The following THBS4 variants were observed in gnomAD, a reference collection of about 807,000 sequenced individuals.
THBS4 encodes the protein thrombospondin 4.
THBS4 carries 90 observed loss-of-function variants against 115.7 expected under a neutral mutation model. The ratio of observed to expected loss-of-function variants is 0.78; its 90% confidence interval spans 0.66 to 0.93. The LOEUF is 0.93. Ranked by LOEUF, THBS4 falls within the 40% of genes least tolerant of loss-of-function variation. The pLI is 0.00. For missense variants in THBS4, 1,087 were observed against 1,232.7 expected, an observed-to-expected ratio of 0.88 and a Z score of 1.77; for synonymous variants, 460 against 479.3, an observed-to-expected ratio of 0.96 and a Z score of 0.53.
chr5:80,062,839 C>T (rs575455984), intron 8 of THBS4, among the ~76,000 whole-genome samples: 2 of 152,324 alleles, frequency 1.3e-5, no homozygotes, highest in East Asian at 3.9e-4. Context: ...CTAGCTTCAT[C>T]CATGTCCCTA....
chr5:80,063,103 TC>T (rs1833696868), intron 8 of THBS4, among the ~76,000 whole-genome samples: 2 of 152,234 alleles, frequency 1.3e-5, no homozygotes, highest in Non-Finnish European at 2.9e-5. Flanking sequence ...CCTTGAGGAA[TC>T]GCCACACTGT....
In THBS4 at chr5:80,059,912, G is replaced by C. The variant is rs368458691; in HGVS notation, c.987+7G>C. The C allele has an allele frequency of 1.9e-6, 3 of 1,612,890 alleles. No individual in the cohort carries two copies. The Admixed American group carries it at 5.0e-5, about 27-fold the overall frequency. On this transcript the variant is annotated splice_region_variant and intron_variant, in intron 7 of 21. Coordinates refer to ENST00000350881, the MANE Select transcript of THBS4 (RefSeq NM_003248.6). ...CTGTATTGATGTTGATGAGGTAAAA[G>C]TTCACTTAGACTGGGAGGGGATCCC...
intron 8 of THBS4, among the ~76,000 whole-genome samples, chr5:80,063,616 T>C (rs543238176): frequency 6.3e-4 from 96 of 152,302 alleles, no homozygotes; most frequent in African/African-American, 2.2e-3. Context: ...TTGGAGGGCA[T>C]GATTTTTTAG....
intron 21 of THBS4, 103 bp from the exon 22 acceptor site, chr5:80,082,969 TCCTGGGCG>T (rs1743598181): frequency 6.3e-6 from 4 of 635,802 alleles, no homozygotes; most frequent in Admixed American, 4.0e-5. Context: ...CTGCGGGGCG[TCCTGGGCG>T]GGCTAACAGC....
At chr5:80,068,190 G>C (rs1287771686) in intron 10 of THBS4, 65 bp downstream of exon 10, 1 of 1,579,372 alleles carries the variant, frequency 6.3e-7, no homozygotes, top group Non-Finnish European at 8.7e-7. Flanking sequence ...CCTCTCTCCA[G>C]TTTCTATGTG....
At chr5:80,033,704 C>T (rs1832631110), upstream of THBS4, among the ~76,000 whole-genome samples, 2 of 152,228 alleles carry the variant, frequency 1.3e-5, no homozygotes, top group Admixed American at 1.3e-4. Flanking sequence ...CAAGAACTCT[C>T]ACAGGCATCC....
chr5:80,026,081 C>A (rs1371119247), intron 2 of THBS4, among the ~76,000 whole-genome samples: 1 of 152,156 alleles, frequency 6.6e-6, no homozygotes, highest in African/African-American at 2.4e-5. Context: ...GAATAATAAA[C>A]TATGTTTGCA....
chr5:80,073,328 G>A lies in THBS4; in HGVS notation c.1892+1G>A. ...ACTCCTGTGACACCAATCAGGACAG[G>A]TATGGCATGTCTCCCAACTGCAGAG... On this transcript the variant is annotated splice_donor_variant, in intron 15 of 21. Coordinates refer to ENST00000350881, the MANE Select transcript of THBS4 (RefSeq NM_003248.6). LOFTEE classifies it high-confidence loss of function. 6.2e-7 allele frequency: 1 copy of A among 1,613,582 alleles called. No homozygotes were observed. Among genetic ancestry groups the A allele is most frequent in the Non-Finnish European group, 8.5e-7 (1 of 1,179,846 alleles).
chr5:80,003,466 A>G (rs930804997), intron 2 of THBS4, among the ~76,000 whole-genome samples: 2 of 152,156 alleles, frequency 1.3e-5, no homozygotes, highest in Non-Finnish European at 2.9e-5. Flanking sequence ...TTCCTTATCA[A>G]TTCTTACCCT....
intron 2 of THBS4, among the ~76,000 whole-genome samples, chr5:80,014,631 A>G (rs1832211512): frequency 6.6e-6 from 1 of 152,224 alleles, no homozygotes; most frequent in African/African-American, 2.4e-5. Flanking sequence ...GTATTTATTT[A>G]TGACCATGTG....
chr5:80,039,667 A>G (rs549981980), intron 1 of THBS4, among the ~76,000 whole-genome samples: 3 of 152,332 alleles, frequency 2.0e-5, no homozygotes, highest in East Asian at 3.9e-4. Flanking sequence ...GGAGGTGCCT[A>G]TGGGACTCCG....
intron 10 of THBS4, among the ~76,000 whole-genome samples, chr5:80,069,259 A>C: frequency 6.6e-6 from 1 of 152,218 alleles, no homozygotes; most frequent in East Asian, 1.9e-4. Flanking sequence ...CCACTTTTCA[A>C]ATAGGAAAAA....
Position 80,040,132 on chromosome 5 carries a change from A to G in THBS4, c.144A>G (p.Pro48=), listed in dbSNP as rs1428636396. ...SQRLNPGALL[P]VLTDPALNDL... is the part of the protein sequence containing the mutation. ...GGCTAAACCCAGGCGCTCTGCTGCC[A>G]GTCCTGACAGACCCCGCCCTGAATG... Residue 48 remains proline (P), a synonymous_variant, in exon 2 of 22, where the codon CCA becomes CCG. Coordinates refer to ENST00000350881, the MANE Select transcript of THBS4 (RefSeq NM_003248.6). 6.2e-7 allele frequency: 1 copy of G among 1,613,996 alleles called. No individual in the cohort carries two copies. The highest frequency in any genetic ancestry group is 8.5e-7 in the Non-Finnish European group (1 of 1,180,020).
chr5:79,998,987 T>A (rs185101580), intron 2 of THBS4, among the ~76,000 whole-genome samples: 4 of 152,246 alleles, frequency 2.6e-5, no homozygotes. Flanking sequence ...GTAAAGATGC[T>A]CTCCAGGAAA....
chr5:80,044,778 A>T (rs1233295433), intron 2 of THBS4, among the ~76,000 whole-genome samples: 1 of 151,970 alleles, frequency 6.6e-6, no homozygotes, highest in Non-Finnish European at 1.5e-5. Context: ...TTGGAATAGG[A>T]TGTAAGAGGA....
At chr5:80,024,727 A>G (rs1832441641) in intron 2 of THBS4, among the ~76,000 whole-genome samples, 1 of 152,226 alleles carries the variant, frequency 6.6e-6, no homozygotes, top group South Asian at 2.1e-4. Flanking sequence ...AGCAAATACT[A>G]AAAAACTGAG....
At chr5:79,992,811 C>T (rs1218103795) in intron 1 of THBS4, among the ~76,000 whole-genome samples, 1 of 152,194 alleles carries the variant, frequency 6.6e-6, no homozygotes, top group Non-Finnish European at 1.5e-5. Context: ...AAAGGAGGGA[C>T]AGTGCATCCT....
chr5:80,059,951 C>T (rs1377744600), intron 7 of THBS4, 46 bp downstream of exon 7: 1 of 1,553,064 alleles, frequency 6.4e-7, no homozygotes, highest in African/African-American at 1.4e-5. Flanking sequence ...GTATCCTCCT[C>T]ACCCTGCAGC....
intron 2 of THBS4, among the ~76,000 whole-genome samples, chr5:80,002,033 G>A (rs1831908873): frequency 6.6e-6 from 1 of 152,202 alleles, no homozygotes; most frequent in African/African-American, 2.4e-5. Context: ...AAAAGCCAGT[G>A]TAGTATCTCT....
Sources: gnomAD v4.1 joint callset for allele counts (sites outside exome capture counted in the v4.1 genomes callset) on GRCh38, gnomAD v4.1.1 for gene constraint, MANE v1.5 for transcripts, NCBI Gene and HGNC (gene_info 2026-07-23, HGNC 2026-07-21) for gene names.